Variants in EYA4 observed in about 807,000 individuals in gnomAD.
EYA4 encodes the protein EYA transcriptional coactivator and phosphatase 4.
In EYA4, 31 loss-of-function variants were observed where a neutral mutation model predicts 87.9. The ratio of observed to expected loss-of-function variants is 0.35; its 90% CI spans 0.27 to 0.48. EYA4 has a LOEUF of 0.48. Ranked by LOEUF, EYA4 falls within the 20% of genes least tolerant of loss-of-function variation. EYA4 has a pLI of 0.99. For synonymous variants in EYA4, 263 were observed against 270.6 expected (o/e 0.97, Z 0.28); for missense variants, 678 against 761.4 (o/e 0.89, Z 1.29).
chr6:133,458,540 C>G (rs551410298), intron 6 of EYA4, among the ~76,000 whole-genome samples: 1 of 152,070 alleles, frequency 6.6e-6, no homozygotes, highest in Non-Finnish European at 1.5e-5. Flanking sequence ...CTGTTAAAGA[C>G]TTGGGCTAAT....
chr6:133,510,498 T>C, intron 14 of EYA4: 1 of 336,514 alleles, frequency 3.0e-6, no homozygotes, highest in Non-Finnish European at 5.9e-6. Flanking sequence ...TTTCCAACCC[T>C]TATGCTAATG....
chr6:133,299,446 C>T lies in EYA4; in HGVS notation c.33+24633C>T, dbSNP rs1052684579. ...GGTGCCATTAAACACTTAAAATCGG[C>T]TGGGCCTGTGATCCCAGGACTTTGG... is the stretch of plus-strand genomic sequence containing the variant. On this transcript the variant is annotated intron_variant, in intron 2 of 19. Transcript: ENST00000355286. Among the ~76,000 whole-genome samples, 4 of 151,934 alleles carry T rather than the reference C, an allele frequency of 2.6e-5. No homozygotes were observed. In the South Asian group the frequency reaches 8.3e-4, roughly 32 times the overall value.
chr6:133,301,745 T>C (rs1779425597), intron 2 of EYA4, among the ~76,000 whole-genome samples: 1 of 152,242 alleles, frequency 6.6e-6, no homozygotes, highest in Non-Finnish European at 1.5e-5. Flanking sequence ...CTCAAGCTCT[T>C]ATCTACTGTG....
intron 2 of EYA4, among the ~76,000 whole-genome samples, chr6:133,348,020 G>A (rs773463334): frequency 5.3e-5 from 8 of 152,142 alleles, no homozygotes; most frequent in Non-Finnish European, 8.8e-5. Context: ...TTAGGTGTAC[G>A]CTTATTGAAA....
chr6:133,499,941 C>G (rs983689162), intron 13 of EYA4, among the ~76,000 whole-genome samples: 2 of 151,876 alleles, frequency 1.3e-5, no homozygotes, highest in Non-Finnish European at 2.9e-5. Context: ...TTTTTCTTAA[C>G]TATCCCAGTC....
chr6:133,403,178 T>A (rs1454492566), intron 3 of EYA4, among the ~76,000 whole-genome samples: 7 of 148,758 alleles, frequency 4.7e-5, no homozygotes, highest in Admixed American at 2.7e-4. Context: ...AAAAAAAAAT[T>A]AAAATGTGAT....
chr6:133,480,770 T>C (rs1448959248), intron 11 of EYA4, among the ~76,000 whole-genome samples: 2 of 152,230 alleles, frequency 1.3e-5, no homozygotes, highest in African/African-American at 4.8e-5. Context: ...TAAAATATTA[T>C]ATAAGATCAC....
chr6:133,470,453 T>TC (rs1188718384), intron 11 of EYA4, among the ~76,000 whole-genome samples: 1 of 52,616 alleles, frequency 1.9e-5, no homozygotes, highest in Non-Finnish European at 3.4e-5. Context: ...GATCTATATC[T>TC]CTGTTTTGGT....
At chr6:133,387,362 G>A (rs1042915886) in intron 3 of EYA4, among the ~76,000 whole-genome samples, 1 of 152,120 alleles carries the variant, frequency 6.6e-6, no homozygotes, top group Non-Finnish European at 1.5e-5. Context: ...AACATGCATA[G>A]CATTTCACTG....
chr6:133,439,606 T>A, intron 3 of EYA4: 1 of 152,162 alleles, frequency 6.6e-6, no homozygotes. Flanking sequence ...CACTTATTTG[T>A]CCCTACAACA....
At chr6:133,412,021 G>A (rs73776034) in intron 3 of EYA4, among the ~76,000 whole-genome samples, 1,862 of 152,290 alleles carry the variant, frequency 0.012, 34 homozygotes, top group African/African-American at 0.043. Context: ...AATTGTTGCT[G>A]TTCTGTTCCC....
chr6:133,307,607 C>G (rs1779906195), intron 2 of EYA4, among the ~76,000 whole-genome samples: 3 of 152,140 alleles, frequency 2.0e-5, no homozygotes, highest in African/African-American at 7.2e-5. Flanking sequence ...GTTTTTCTTT[C>G]AGGAAACTGT....
At chr6:133,354,069 TG>T (rs1783836600) in intron 2 of EYA4, among the ~76,000 whole-genome samples, 1 of 152,178 alleles carries the variant, frequency 6.6e-6, no homozygotes, top group Non-Finnish European at 1.5e-5. Context: ...GCACCTACAG[TG>T]TAGCTTATTC....
At chr6:133,404,788 C>A (rs978835715) in intron 3 of EYA4, among the ~76,000 whole-genome samples, 2 of 152,204 alleles carry the variant, frequency 1.3e-5, no homozygotes, top group African/African-American at 2.4e-5. Flanking sequence ...TCACGTGTAG[C>A]CCTGCCTCAT....
At chr6:133,367,864 C>T (rs889124773) in intron 2 of EYA4, among the ~76,000 whole-genome samples, 3 of 151,974 alleles carry the variant, frequency 2.0e-5, no homozygotes, top group East Asian at 1.9e-4. Context: ...TAATGAAAAC[C>T]GTTATTGTTA....
At chr6:133,394,370 A>G (rs1197472295) in intron 3 of EYA4, among the ~76,000 whole-genome samples, 1 of 143,566 alleles carries the variant, frequency 7.0e-6, no homozygotes, top group African/African-American at 2.6e-5. Context: ...AGTTATATCA[A>G]ACAAATACTT....
At chr6:133,272,195 G>A (rs1776751453) in intron 1 of EYA4, among the ~76,000 whole-genome samples, 1 of 152,206 alleles carries the variant, frequency 6.6e-6, no homozygotes, top group Non-Finnish European at 1.5e-5. Flanking sequence ...GTCCACTTTA[G>A]AGGGGTGCCT....
At position 133,438,442 on chromosome 6, in the gene EYA4, C is replaced by G. The variant is rs1014286546; in HGVS notation, c.84-8188C>G. On this transcript the variant is annotated intron_variant, in intron 3 of 19. Coordinates refer to ENST00000355286, the MANE Select transcript of EYA4 (RefSeq NM_004100.5). ...TCCAGATTGGCTATGAGCCCCTACA[C>G]TACTTTGTGGCTTCAGTGATATCAT... Among the ~76,000 whole-genome samples the G allele has an allele frequency of 2.0e-5, 3 of 149,292 alleles. No homozygotes were observed. In the Admixed American group the frequency reaches 2.0e-4, roughly 10 times the overall value.
Position 133,446,717 on chromosome 6 carries a change from T to C in EYA4, c.171T>C (p.Asn57=). 1.2e-6 allele frequency: 2 copies of C among 1,614,018 alleles called. No homozygotes were observed. Among genetic ancestry groups the C allele is most frequent in the African/African-American group, 1.3e-5 (1 of 75,042 alleles). Residue 57 remains asparagine, a synonymous_variant, in exon 4 of 20, where the codon AAT becomes AAC. Coordinates refer to ENST00000355286, the MANE Select transcript of EYA4 (RefSeq NM_004100.5). ...GTAGCTCCAAACTGGAAAAATCTAA[T>C]CTCAGCAGCACATCAGTTACTACAA... ...TPGSSKLEKS[N]LSSTSVTTNG...
Sources: gnomAD v4.1 joint callset for allele counts (sites outside exome capture counted in the v4.1 genomes callset) on GRCh38, gnomAD v4.1.1 for gene constraint, MANE v1.5 for transcripts, NCBI Gene and HGNC (gene_info 2026-07-23, HGNC 2026-07-21) for gene names.